The following NRXN3 variants were observed in gnomAD, a reference collection of about 807,000 sequenced individuals.
NRXN3 encodes neurexin 3.
A neutral mutation model predicts 137.6 loss-of-function variants in NRXN3; 32 were observed. The ratio of observed to expected loss-of-function variants is 0.23; its 90% confidence interval spans 0.18 to 0.31. The LOEUF (loss-of-function observed/expected upper bound fraction) is 0.31, where lower values mean the gene tolerates loss of function less well. Ranked by LOEUF, NRXN3 falls within the 10% of genes least tolerant of loss-of-function variation. The probability of loss-of-function intolerance (pLI) is 1.00; values close to 1 mark genes in which losing one functional copy is unlikely to be tolerated. For synonymous variants in NRXN3, 798 were observed against 784.5 expected (o/e 1.02, Z -0.29); for missense variants, 1,574 against 2,062.5 (o/e 0.76, Z 4.59).
intron 19 of NRXN3, among the ~76,000 whole-genome samples, chr14:79,742,198 T>A (rs1166749589): frequency 2.3e-5 from 2 of 86,188 alleles, no homozygotes; most frequent in Non-Finnish European, 4.6e-5. Context: ...GATTACATTA[T>A]ACACTACCTC....
At chr14:78,886,454 C>T (rs1472951586) in intron 10 of NRXN3, among the ~76,000 whole-genome samples, 1 of 151,938 alleles carries the variant, frequency 6.6e-6, no homozygotes, top group Non-Finnish European at 1.5e-5. Flanking sequence ...CTGCCTTCTT[C>T]TCTTCCTCCC....
At chr14:78,663,387 G>T (rs2097856160) in intron 6 of NRXN3, among the ~76,000 whole-genome samples, 1 of 152,174 alleles carries the variant, frequency 6.6e-6, no homozygotes, top group African/African-American at 2.4e-5. Flanking sequence ...GCCATTGATT[G>T]TTCTGAGAGG....
chr14:78,174,828 G>A (rs1366262824), intron 1 of NRXN3, among the ~76,000 whole-genome samples: 2 of 152,198 alleles, frequency 1.3e-5, no homozygotes, highest in African/African-American at 4.8e-5. Flanking sequence ...CGTCCACCAA[G>A]CGAACCCGTG....
At chr14:78,378,139 A>G (rs2088245052) in intron 4 of NRXN3, among the ~76,000 whole-genome samples, 1 of 152,218 alleles carries the variant, frequency 6.6e-6, no homozygotes. Flanking sequence ...AAATACTTAG[A>G]CACTATACAA....
In NRXN3 at chr14:78,662,893, C is replaced by T. The variant is rs10483912; in HGVS notation, c.1221+11567C>T. Among the ~76,000 whole-genome samples, 1,249 of 152,242 alleles carry T rather than the reference C, an allele frequency of 8.2e-3. 91 individuals are homozygous for T. The East Asian group carries it at 0.18, about 22-fold the overall frequency. On this transcript the variant is annotated intron_variant, in intron 6 of 20. Transcript: ENST00000335750. ...TCCTTTACTTGATCATCTCGAAAAC[C>T]GTTACAACCACAGCAATTATAATCA...
At chr14:78,647,687 G>A (rs1353489330) in intron 5 of NRXN3, among the ~76,000 whole-genome samples, 1 of 152,150 alleles carries the variant, frequency 6.6e-6, no homozygotes, top group African/African-American at 2.4e-5. Flanking sequence ...TTGAAATTCT[G>A]ACTAAATTTT....
Position 79,646,523 on chromosome 14 carries a change from C to T in NRXN3, c.3445-17255C>T, listed in dbSNP as rs990143439. 3.7e-5 allele frequency among the ~76,000 whole-genome samples: 5 copies of T among 135,658 alleles called. 1 individual carries two copies. The highest frequency in any genetic ancestry group is 7.4e-5 in the African/African-American group (3 of 40,754). The allele number at this position is 135,658 out of a possible 152,430, so 89.0% of individuals were successfully genotyped here. A position where few individuals can be genotyped will look rare whatever the true frequency, so the allele number is the denominator to read the frequency against. On this transcript the variant is annotated intron_variant, in intron 16 of 20. Transcript: ENST00000335750. Reference sequence around the variant, plus strand: ...CAGTCAGCAGAAGCAGTGGTAGTTGCGAGCTGGTTATTCAGAGGCAGCTAC... The same window carrying T: ...CAGTCAGCAGAAGCAGTGGTAGTTGTGAGCTGGTTATTCAGAGGCAGCTAC...
At chr14:79,050,757 C>T (rs1414050685) in intron 15 of NRXN3, among the ~76,000 whole-genome samples, 1 of 152,234 alleles carries the variant, frequency 6.6e-6, no homozygotes, top group Non-Finnish European at 1.5e-5. Context: ...CTGCCGGCCT[C>T]AAGCCCCTGC....
intron 8 of NRXN3, among the ~76,000 whole-genome samples, chr14:78,757,426 T>A (rs1305964921): frequency 8.7e-6 from 1 of 115,190 alleles, no homozygotes; most frequent in African/African-American, 5.1e-5. Flanking sequence ...AAAAAAAGGA[T>A]TCTGCATGAC....
intron 19 of NRXN3, among the ~76,000 whole-genome samples, chr14:79,700,986 A>G (rs2098752494): frequency 6.6e-6 from 1 of 152,108 alleles, no homozygotes; most frequent in South Asian, 2.1e-4. Context: ...CTGGCACTTC[A>G]TAGGTGCTCA....
chr14:78,471,103 G>A (rs1195868693), intron 4 of NRXN3, among the ~76,000 whole-genome samples: 1 of 152,060 alleles, frequency 6.6e-6, no homozygotes, highest in Non-Finnish European at 1.5e-5. Context: ...CTTTGGGGAG[G>A]GACATGGCAC....
chr14:79,031,382 T>C (rs2099608023), intron 15 of NRXN3, among the ~76,000 whole-genome samples: 1 of 152,172 alleles, frequency 6.6e-6, no homozygotes, highest in African/African-American at 2.4e-5. Flanking sequence ...ATCAATTTGT[T>C]CTCAAAGCTA....
rs528602577 is a variant in NRXN3, at chr14:78,434,429, A to G, written c.757+136569A>G. On this transcript the variant is annotated intron_variant, in intron 4 of 20. Coordinates refer to ENST00000335750, the MANE Select transcript of NRXN3 (RefSeq NM_001330195.2). ...GTCATATTGGATTTAGGCCAACCCTAATGACCCCATCATAACTAATTACAT... is the reference window on the plus strand; with the variant it reads ...GTCATATTGGATTTAGGCCAACCCTGATGACCCCATCATAACTAATTACAT... 2.6e-5 allele frequency among the ~76,000 whole-genome samples: 4 copies of G among 152,256 alleles called. No homozygotes were observed. In the South Asian group the frequency reaches 8.3e-4, roughly 32 times the overall value.
intron 15 of NRXN3, among the ~76,000 whole-genome samples, chr14:79,238,753 G>A (rs1330549103): frequency 1.3e-5 from 2 of 152,090 alleles, no homozygotes; most frequent in African/African-American, 4.8e-5. Flanking sequence ...CAAATACTGA[G>A]TGAAAAGTTT....
At chr14:79,474,432 AATTTTTTAATTTCTGTTT>A (rs1199158836) in intron 16 of NRXN3, among the ~76,000 whole-genome samples, 14 of 152,048 alleles carry the variant, frequency 9.2e-5, no homozygotes, top group African/African-American at 3.1e-4. Context: ...TTTTAGGCAA[AATTTTTTAATTTCTGTTT>A]CATCTGATCA....
chr14:78,352,098 A>G (rs920190368), intron 4 of NRXN3, among the ~76,000 whole-genome samples: 2 of 151,974 alleles, frequency 1.3e-5, no homozygotes, highest in African/African-American at 2.4e-5. Context: ...AAAAGAAAAA[A>G]AAAAAAAAAA....
intron 4 of NRXN3, among the ~76,000 whole-genome samples, chr14:78,399,253 TACATAATAAAAATAC>T (rs1267418082): frequency 2.6e-5 from 4 of 152,178 alleles, no homozygotes; most frequent in African/African-American, 9.6e-5. Flanking sequence ...AACAACCATA[TACATAATAAAAATAC>T]ACATAATAAA....
intron 11 of NRXN3, among the ~76,000 whole-genome samples, chr14:78,960,710 A>G (rs1197249521): frequency 3.3e-5 from 5 of 152,218 alleles, no homozygotes; most frequent in Non-Finnish European, 5.9e-5. Flanking sequence ...CTCTGCCTAG[A>G]ACTTCTTGCT....
intron 15 of NRXN3, among the ~76,000 whole-genome samples, chr14:79,227,039 T>C (rs2071033924): frequency 1.3e-5 from 2 of 152,044 alleles, no homozygotes; most frequent in South Asian, 4.1e-4. Context: ...AGGCTGCTCT[T>C]GAACTCCTGA....
Sources: gnomAD v4.1 joint callset for allele counts (sites outside exome capture counted in the v4.1 genomes callset) on GRCh38, gnomAD v4.1.1 for gene constraint, MANE v1.5 for transcripts, NCBI Gene and HGNC (gene_info 2026-07-23, HGNC 2026-07-21) for gene names.